Variants in GALNT7 observed in about 807,000 individuals in gnomAD.
GALNT7 encodes polypeptide N-acetylgalactosaminyltransferase 7.
Under a neutral mutation model 82.1 loss-of-function variants are expected in GALNT7, and 60 were observed. The ratio of observed to expected loss-of-function variants is 0.73; its 90% CI spans 0.59 to 0.91. The LOEUF (loss-of-function observed/expected upper bound fraction) is 0.91. GALNT7 is among the 40% of genes least tolerant of loss of function. The probability of loss-of-function intolerance (pLI) is 0.00; values close to 1 mark genes in which losing one functional copy is unlikely to be tolerated. For missense variants in GALNT7, 660 were observed against 804.2 expected, an observed-to-expected ratio of 0.82 and a Z score of 2.17; for synonymous variants, 243 against 275.1, an observed-to-expected ratio of 0.88 and a Z score of 1.15.
At chr4:173,257,485 G>A (rs1007708831) in intron 2 of GALNT7, among the ~76,000 whole-genome samples, 5 of 152,110 alleles carry the variant, frequency 3.3e-5, no homozygotes, top group Non-Finnish European at 7.4e-5. Context: ...CAAGTTGAAA[G>A]TGCTAAGAAG....
chr4:173,176,530 C>G (rs916611575), intron 1 of GALNT7, among the ~76,000 whole-genome samples: 1 of 152,024 alleles, frequency 6.6e-6, no homozygotes, highest in Non-Finnish European at 1.5e-5. Flanking sequence ...GAGTAATAAC[C>G]CTTTTTGGCC....
At chr4:173,235,848 C>G (rs1371220427) in intron 1 of GALNT7, among the ~76,000 whole-genome samples, 1 of 152,134 alleles carries the variant, frequency 6.6e-6, no homozygotes, top group African/African-American at 2.4e-5. Flanking sequence ...GCCACCACGC[C>G]CGGCCACAAG....
At chr4:173,241,852 G>A (rs548539103) in intron 1 of GALNT7, among the ~76,000 whole-genome samples, 2 of 152,274 alleles carry the variant, frequency 1.3e-5, no homozygotes, top group South Asian at 2.1e-4. Flanking sequence ...TTAGAAACCC[G>A]ATAAAATCTT....
At chr4:173,253,374 T>A (rs1342319644) in intron 2 of GALNT7, among the ~76,000 whole-genome samples, 1 of 152,064 alleles carries the variant, frequency 6.6e-6, no homozygotes, top group Non-Finnish European at 1.5e-5. Flanking sequence ...GCTGGGAAGA[T>A]AGTAGGGCAT....
chr4:173,265,659 C>T (rs1254900854), intron 2 of GALNT7, among the ~76,000 whole-genome samples: 31 of 132,268 alleles, frequency 2.3e-4, no homozygotes, highest in Non-Finnish European at 1.1e-4. Flanking sequence ...CTCATTCCCC[C>T]CAATCTCCCT....
chr4:173,178,083 GTATA>G (rs1218121434), intron 1 of GALNT7, among the ~76,000 whole-genome samples: 2 of 147,490 alleles, frequency 1.4e-5, no homozygotes, highest in Non-Finnish European at 1.5e-5. Context: ...AGACACCTAT[GTATA>G]TATATTTTAG....
At chr4:173,269,749 G>C (rs531450702) in intron 2 of GALNT7, among the ~76,000 whole-genome samples, 1 of 152,076 alleles carries the variant, frequency 6.6e-6, no homozygotes, top group Non-Finnish European at 1.5e-5. Context: ...CTCAACAGAA[G>C]TAATTTAAAT....
intron 1 of GALNT7, among the ~76,000 whole-genome samples, chr4:173,220,658 C>G (rs1489173192): frequency 1.7e-5 from 2 of 120,128 alleles, no homozygotes; most frequent in Non-Finnish European, 1.7e-5. Flanking sequence ...CCCCTCCCCC[C>G]ACCCCACAAC....
At chr4:173,286,961 T>TCA (rs1736344724) in intron 2 of GALNT7, among the ~76,000 whole-genome samples, 2 of 152,144 alleles carry the variant, frequency 1.3e-5, no homozygotes, top group African/African-American at 4.8e-5. Flanking sequence ...GAAGAGAGCC[T>TCA]CAGTGCCTCC....
chr4:173,276,041 C>T (rs1193174447), intron 2 of GALNT7, among the ~76,000 whole-genome samples: 1 of 152,204 alleles, frequency 6.6e-6, no homozygotes, highest in South Asian at 2.1e-4. Flanking sequence ...GAAAGGCAGA[C>T]CCATCCATTA....
intron 1 of GALNT7, among the ~76,000 whole-genome samples, chr4:173,202,659 C>A (rs1732977221): frequency 6.6e-6 from 1 of 152,188 alleles, no homozygotes; most frequent in Admixed American, 6.5e-5. Context: ...ATTTGTTTGA[C>A]CATACCACCT....
At chr4:173,214,235 A>T (rs777137913) in intron 1 of GALNT7, among the ~76,000 whole-genome samples, 4 of 151,986 alleles carry the variant, frequency 2.6e-5, no homozygotes, top group African/African-American at 9.7e-5. Context: ...TAAGTGTTGT[A>T]TCCTTTAAGC....
chr4:173,258,486 G>T (rs1220679595), intron 2 of GALNT7, among the ~76,000 whole-genome samples: 2 of 152,182 alleles, frequency 1.3e-5, no homozygotes, highest in African/African-American at 4.8e-5. Flanking sequence ...TGTGACTGCT[G>T]CTTTTCTTAT....
intron 2 of GALNT7, among the ~76,000 whole-genome samples, chr4:173,288,232 G>C (rs1180060412): frequency 7.3e-6 from 1 of 137,002 alleles, no homozygotes; most frequent in South Asian, 2.2e-4. Flanking sequence ...GCAGTGAGCC[G>C]AGATCGCGCC....
intron 2 of GALNT7, among the ~76,000 whole-genome samples, chr4:173,279,986 A>G (rs1332974322): frequency 6.6e-6 from 1 of 152,144 alleles, no homozygotes; most frequent in Non-Finnish European, 1.5e-5. Flanking sequence ...TAAAAAGGAA[A>G]AAAAAAAGGA....
chr4:173,227,636 C>CT lies in GALNT7; in HGVS notation c.127-20338dup, dbSNP rs375505131. Among the ~76,000 whole-genome samples, 373 of 152,252 alleles carry CT rather than the reference C, an allele frequency of 2.4e-3. 2 individuals carry two copies. Among genetic ancestry groups the CT allele is most frequent in the African/African-American group, 8.6e-3 (359 of 41,550 alleles). Reference sequence around the variant, plus strand: ...CTGAGCCAACACTCCTGGCCTCCTTCTTTTTTATAAGGATGTGTGCCTCTT... The same window carrying CT: ...CTGAGCCAACACTCCTGGCCTCCTTCTTTTTTTATAAGGATGTGTGCCTCTT... On this transcript the variant is annotated intron_variant, in intron 1 of 11. Coordinates refer to ENST00000265000, the MANE Select transcript of GALNT7 (RefSeq NM_017423.3).
intron 9 of GALNT7, among the ~76,000 whole-genome samples, chr4:173,314,449 A>T (rs1048766830): frequency 6.6e-6 from 1 of 152,028 alleles, no homozygotes; most frequent in African/African-American, 2.4e-5. Context: ...TCTTACTCCA[A>T]CTCCCTTCCT....
chr4:173,185,150 C>G lies in GALNT7; in HGVS notation c.126+16189C>G, dbSNP rs4696051. On this transcript the variant is annotated intron_variant, in intron 1 of 11. Transcript: ENST00000265000. ...CAAAACAAAAATCACCGTGCTTTGACAGGTTTGTCATGAAGCAAAATGCAT... is the reference window on the plus strand; with the variant it reads ...CAAAACAAAAATCACCGTGCTTTGAGAGGTTTGTCATGAAGCAAAATGCAT... 7.3e-3 allele frequency among the ~76,000 whole-genome samples: 1,115 copies of G among 152,292 alleles called. 38 individuals are homozygous for G. Among genetic ancestry groups the G allele is most frequent in the Admixed American group, 0.054 (833 of 15,296 alleles).
chr4:173,247,637 T>G (rs1472924134), intron 1 of GALNT7, among the ~76,000 whole-genome samples: 1 of 152,126 alleles, frequency 6.6e-6, no homozygotes, highest in Non-Finnish European at 1.5e-5. Context: ...CTATTAAGCA[T>G]CTGTTTTAAT....
Sources: allele counts gnomAD v4.1 joint callset (sites outside exome capture counted in the v4.1 genomes callset), GRCh38; gene constraint gnomAD v4.1.1; transcripts MANE v1.5; gene names NCBI Gene and HGNC (gene_info 2026-07-23, HGNC 2026-07-21).